The following MICAL3 variants were observed in gnomAD, a reference collection of about 807,000 sequenced individuals.
MICAL3 encodes microtubule associated monooxygenase, calponin and LIM domain containing 3, also known as [F-actin]-monooxygenase MICAL3.
MICAL3 carries 62 observed loss-of-function variants against 207.4 expected under a neutral mutation model. The observed-to-expected ratio is 0.30, with a 90% CI of 0.24 to 0.37. The LOEUF (loss-of-function observed/expected upper bound fraction) is 0.37. Among genes scored for constraint, MICAL3 ranks in the 10% least tolerant of loss-of-function variants. The pLI, the probability that MICAL3 is intolerant of heterozygous loss-of-function variation, is 1.00. For missense variants in MICAL3, 2,368 were observed against 2,635.6 expected, an observed-to-expected ratio of 0.90 and a Z score of 2.22; for synonymous variants, 1,077 against 1,069.3, an observed-to-expected ratio of 1.01 and a Z score of -0.14.
intron 1 of MICAL3, among the ~76,000 whole-genome samples, chr22:18,023,694 G>A (rs2146522605): frequency 6.6e-6 from 1 of 152,344 alleles, no homozygotes; most frequent in Middle Eastern, 3.4e-3. Flanking sequence ...CGCCGGCGCA[G>A]CGCGCCCTGC....
At position 17,832,125 on chromosome 22, in the gene MICAL3, C is replaced by T. The variant is rs767130515; in HGVS notation, c.2802-18G>A. ...CGGAACTACTGTGAGGAAATAACCA[C>T]ATAGCCAGAGTGAGGGAATGAAGAA... On this transcript the variant is annotated intron_variant, in intron 20 of 31. Coordinates refer to ENST00000441493, the MANE Select transcript of MICAL3 (RefSeq NM_015241.3). 3.2e-6 allele frequency: 5 copies of T among 1,557,582 alleles called. No individual in the cohort carries two copies.
chr22:17,791,120 C>A lies in MICAL3; in HGVS notation c.5751-49G>T, dbSNP rs753450310. On this transcript the variant is annotated intron_variant, in intron 30 of 31. Coordinates refer to ENST00000441493, the MANE Select transcript of MICAL3 (RefSeq NM_015241.3). ...GACAAGCCACAGTGACTGGGGACCA[C>A]CCCTCACCCCCAAATCTGGAAGGAC... is the stretch of plus-strand genomic sequence containing the variant. The A allele has an allele frequency of 2.5e-6, 4 of 1,603,856 alleles. No homozygotes were observed. In the African/African-American group the frequency reaches 5.3e-5, roughly 21 times the overall value.
intron 1 of MICAL3, chr22:17,980,832 T>C: frequency 2.0e-6 from 1 of 506,928 alleles, no homozygotes; most frequent in Non-Finnish European, 4.2e-6. Context: ...CAGATGCGGC[T>C]GTGCTGGCCC....
chr22:17,877,043 T>G (rs1477696856), intron 16 of MICAL3, among the ~76,000 whole-genome samples: 2 of 138,326 alleles, frequency 1.4e-5, no homozygotes, highest in Admixed American at 7.4e-5. Context: ...TTAGGGAGGT[T>G]ATGGAGGTTA....
At chr22:17,960,077 G>A (rs1279078610) in intron 1 of MICAL3, among the ~76,000 whole-genome samples, 2 of 152,196 alleles carry the variant, frequency 1.3e-5, no homozygotes, top group African/African-American at 4.8e-5. Flanking sequence ...GGAAGAGAAG[G>A]TGTGCACAGA....
At chr22:17,804,065 T>C (rs1261290703) in intron 29 of MICAL3, among the ~76,000 whole-genome samples, 2 of 152,338 alleles carry the variant, frequency 1.3e-5, no homozygotes, top group Middle Eastern at 3.4e-3. Context: ...CGTATCTGCA[T>C]ACTGCGTGGC....
chr22:17,936,506 A>G (rs574419478), intron 1 of MICAL3, among the ~76,000 whole-genome samples: 48 of 151,886 alleles, frequency 3.2e-4, no homozygotes, highest in Middle Eastern at 6.8e-3. Context: ...GCAAACCAAC[A>G]TGGCACGTGT....
At chr22:17,861,280 C>G in intron 19 of MICAL3, 3 of 985,326 alleles carry the variant, frequency 3.0e-6, no homozygotes, top group Non-Finnish European at 3.6e-6. Context: ...ACTATGGAAC[C>G]TCATGGTTAT....
intron 1 of MICAL3, among the ~76,000 whole-genome samples, chr22:17,927,564 C>T (rs1602233213): frequency 6.6e-6 from 1 of 152,186 alleles, no homozygotes; most frequent in Non-Finnish European, 1.5e-5. Flanking sequence ...CCACCCTCAT[C>T]ACCTTAACCT....
At chr22:17,802,029 C>G (rs564363975) in intron 29 of MICAL3, among the ~76,000 whole-genome samples, 24 of 151,724 alleles carry the variant, frequency 1.6e-4, no homozygotes, top group African/African-American at 5.8e-4. Context: ...CGCGTTCTGA[C>G]GGCCCCTTCC....
chr22:17,973,060 G>A (rs541976354), intron 1 of MICAL3, among the ~76,000 whole-genome samples: 41 of 152,252 alleles, frequency 2.7e-4, no homozygotes, highest in Non-Finnish European at 4.7e-4. Flanking sequence ...GTTCTTTAAG[G>A]AGCATCCTGT....
chr22:17,876,859 AGGTTAGGG>A (rs1928527534), intron 16 of MICAL3: 5 of 135,772 alleles, frequency 3.7e-5, no homozygotes, highest in African/African-American at 1.6e-4. Flanking sequence ...GAGGTTATGG[AGGTTAGGG>A]AGGTTAGGGA....
At chr22:17,976,825 T>C (rs1251691145) in intron 1 of MICAL3, among the ~76,000 whole-genome samples, 1 of 147,648 alleles carries the variant, frequency 6.8e-6, no homozygotes, top group Non-Finnish European at 1.5e-5. Context: ...TTTTTTTTTT[T>C]AGATGGAGTC....
intron 17 of MICAL3, 91 bp from the exon 18 acceptor site, chr22:17,866,103 C>T: frequency 1.0e-6 from 1 of 974,248 alleles, no homozygotes; most frequent in Non-Finnish European, 1.6e-6. Context: ...TTTCCATCTC[C>T]TCCAGCCTCA....
intron 1 of MICAL3, among the ~76,000 whole-genome samples, chr22:17,922,671 T>G (rs984403406): frequency 1.3e-5 from 2 of 151,976 alleles, no homozygotes; most frequent in African/African-American, 2.4e-5. Flanking sequence ...GAAAACCAGG[T>G]TCAAGTGTAT....
chr22:17,962,469 G>A (rs1042488558), intron 1 of MICAL3, among the ~76,000 whole-genome samples: 7 of 152,196 alleles, frequency 4.6e-5, no homozygotes, highest in Admixed American at 2.0e-4. Flanking sequence ...TGGGACCTGG[G>A]AGGAGGACAG....
intron 19 of MICAL3, chr22:17,858,431 T>A: frequency 1.0e-6 from 1 of 984,718 alleles, no homozygotes; most frequent in Non-Finnish European, 1.2e-6. Flanking sequence ...AAAGGAGGTT[T>A]CAGGGCTTCG....
At chr22:17,895,003 T>C (rs1930705481) in intron 10 of MICAL3, among the ~76,000 whole-genome samples, 1 of 152,184 alleles carries the variant, frequency 6.6e-6, no homozygotes, top group South Asian at 2.1e-4. Flanking sequence ...GCAAGTGCTC[T>C]TCCGTAAAGT....
chr22:17,952,629 C>T (rs1221314911), intron 1 of MICAL3, among the ~76,000 whole-genome samples: 1 of 152,232 alleles, frequency 6.6e-6, no homozygotes, highest in African/African-American at 2.4e-5. Context: ...TACCAAGCAG[C>T]TAATCATAAG....
Sources: gnomAD v4.1 joint callset for allele counts (sites outside exome capture counted in the v4.1 genomes callset) on GRCh38, gnomAD v4.1.1 for gene constraint, MANE v1.5 for transcripts, NCBI Gene and HGNC (gene_info 2026-07-23, HGNC 2026-07-21) for gene names.